The following ADGRG4 variants were observed in gnomAD, a reference collection of about 807,000 sequenced individuals.
The protein encoded by ADGRG4 is adhesion G protein-coupled receptor G4.
A neutral mutation model predicts 126.2 loss-of-function variants in ADGRG4; 122 were observed. That is an observed-to-expected ratio of 0.97 (90% CI 0.83 to 1.12). The LOEUF (loss-of-function observed/expected upper bound fraction) is 1.12. ADGRG4 is among the 50% of genes most tolerant of loss of function. The pLI is 0.00. For missense variants in ADGRG4, 2,481 were observed against 2,251.8 expected, an observed-to-expected ratio of 1.10 and a Z score of -2.06; for synonymous variants, 943 against 838.7, an observed-to-expected ratio of 1.12 and a Z score of -2.15.
At chrX:136,383,759 A>G (rs1402138033) in intron 15 of ADGRG4, among the ~76,000 whole-genome samples, 2 of 110,197 alleles carry the variant, frequency 1.8e-5, no homozygotes, top group African/African-American at 6.6e-5. Flanking sequence ...TTATTTTAAT[A>G]TTTATTATAG....
Position 136,323,010 on chromosome X carries a change from A to G in ADGRG4, c.303A>G (p.Leu101=). ...GLAGDHQQLI[L]YRLGKTFSIR... ...CAGGAGACCATCAGCAGCTAATACTATACAGATTGGGAAAGACCTTTTCTA... is the reference window on the plus strand; with the variant it reads ...CAGGAGACCATCAGCAGCTAATACTGTACAGATTGGGAAAGACCTTTTCTA... Residue 101 remains leucine (L), a synonymous_variant, in exon 5 of 26, where the codon CTA becomes CTG. Transcript: ENST00000394143. 6.6e-6 allele frequency: 8 copies of G among 1,211,837 alleles called. No individual in the cohort carries two copies. Among genetic ancestry groups the G allele is most frequent in the Non-Finnish European group, 7.8e-6 (7 of 895,454 alleles).
rs532125501 is a variant in ADGRG4, at chrX:136,344,668, C to A, written c.962C>A (p.Ser321Ter). The change falls in exon 6 of 26, where the codon TCA becomes TAA. Residue 321 changes from serine (S) to a stop codon, truncating the protein, a stop_gained. Transcript: ENST00000394143. LOFTEE classifies it high-confidence loss of function. The stretch of plus-strand genomic sequence containing the variant: ...TTTGCAGTGGATGTTTTATCAACTT[C>A]ATCAGCCATCTCTCTGCCTACCCAG... ...ATFAVDVLST[S>*]SAISLPTQSI... 8.3e-7 allele frequency: 1 copy of A among 1,208,894 alleles called. No individual in the cohort carries two copies. The highest frequency in any genetic ancestry group is 1.7e-5 in the African/African-American group (1 of 57,726).
chrX:136,386,104 C>G (rs1484158388), intron 15 of ADGRG4, among the ~76,000 whole-genome samples: 1 of 112,254 alleles, frequency 8.9e-6, no homozygotes, highest in Non-Finnish European at 1.9e-5. Flanking sequence ...GGGTACCCCA[C>G]CTTGTGATGT....
chrX:136,307,595 C>A (rs2074742178), intron 3 of ADGRG4, among the ~76,000 whole-genome samples: 1 of 112,534 alleles, frequency 8.9e-6, no homozygotes, highest in Admixed American at 9.4e-5. Flanking sequence ...GCTCAAGATT[C>A]ATTTGACTTC....
chrX:136,321,034 TGCTCACC>T (rs1405433718), intron 4 of ADGRG4, among the ~76,000 whole-genome samples: 1 of 112,051 alleles, frequency 8.9e-6, no homozygotes, highest in East Asian at 2.8e-4. Context: ...TGGAGATTTA[TGCTCACC>T]GTAAAACCAG....
chrX:136,416,635 C>A lies in ADGRG4; in HGVS notation c.*144C>A. 1 of 362,898 alleles carries A rather than the reference C, an allele frequency of 2.8e-6. No homozygotes were observed. The highest frequency in any genetic ancestry group is 4.7e-6 in the Non-Finnish European group (1 of 210,763). 29.9% of individuals were successfully genotyped at this position (362,898 alleles called of 1,213,427 possible). A position where few individuals can be genotyped will look rare whatever the true frequency, so the allele number is the denominator to read the frequency against. ...AATAATGTACTCATGTAACCAAATG[C>A]TACCTGTTCCACCAAAACCTATGGA... On this transcript the variant is annotated 3_prime_UTR_variant, in exon 26 of 26. Transcript: ENST00000394143.
At chrX:136,413,652 C>G (rs191145377) in intron 24 of ADGRG4, among the ~76,000 whole-genome samples, 37 of 111,754 alleles carry the variant, frequency 3.3e-4, no homozygotes, top group African/African-American at 1.1e-3. Context: ...TACAAACCTA[C>G]TTCTTACAAC....
At chrX:136,357,344 T>C (rs939432113) in intron 9 of ADGRG4, among the ~76,000 whole-genome samples, 2 of 111,846 alleles carry the variant, frequency 1.8e-5, no homozygotes, top group East Asian at 5.6e-4. Context: ...GCTTAGAACA[T>C]AGTAAATGTT....
intron 25 of ADGRG4, 44 bp from the exon 26 acceptor site, chrX:136,416,410 C>T: frequency 9.0e-7 from 1 of 1,114,398 alleles, no homozygotes; most frequent in Non-Finnish European, 1.2e-6. Flanking sequence ...TGTGCAAAGT[C>T]CCTGATGCCG....
At position 136,385,170 on chromosome X, in the gene ADGRG4, C is replaced by A. The variant is rs190235766; in HGVS notation, c.7777-2570C>A. Among the ~76,000 whole-genome samples the A allele has an allele frequency of 7.2e-5, 8 of 111,275 alleles. No individual in the cohort carries two copies. The East Asian group carries it at 2.2e-3, about 31-fold the overall frequency. On this transcript the variant is annotated intron_variant, in intron 15 of 25. Transcript: ENST00000394143. ...TTATATTGATCTACCTTTAAATTTG[C>A]AGACATCTGTTGTTTTCATGTTACT...
rs767760760 is a variant in ADGRG4 at position 136,345,383 on chromosome X, C to A, written c.1677C>A (p.Phe559Leu). The change falls in exon 6 of 26, where the codon TTC (phenylalanine) becomes TTA (leucine). Residue 559 changes from phenylalanine to leucine, a missense_variant. By Grantham distance (22) the Phe-to-Leu change is conservative. Transcript: ENST00000394143. Reference protein sequence around the residue: ...SKETSSKTFSFLTSFSFTGTE... With the variant: ...SKETSSKTFSLLTSFSFTGTE... Reference sequence around the variant, plus strand: ...AGACCTCCTCTAAGACCTTTTCTTTCTTAACATCCTTTTCATTTACTGGGA... The same window carrying A: ...AGACCTCCTCTAAGACCTTTTCTTTATTAACATCCTTTTCATTTACTGGGA... The A allele has an allele frequency of 2.5e-6, 3 of 1,210,415 alleles. No individual in the cohort carries two copies. In the Admixed American group the frequency reaches 6.5e-5, roughly 26 times the overall value.
At chrX:136,392,732 C>T (rs1281748215) in intron 17 of ADGRG4, among the ~76,000 whole-genome samples, 1 of 111,629 alleles carries the variant, frequency 9.0e-6, no homozygotes, top group Non-Finnish European at 1.9e-5. Flanking sequence ...GAATTATCAC[C>T]AAAGAACTAA....
intron 15 of ADGRG4, among the ~76,000 whole-genome samples, chrX:136,380,604 C>CTCTTCTTCTTCTTCTTCTTCTTCT (rs1219064272): frequency 3.1e-4 from 17 of 55,342 alleles, no homozygotes; most frequent in Admixed American, 5.7e-4. Flanking sequence ...CCTCCTCCTC[C>CTCTTCTTCTTCTTCTTCTTCTTCT]TCTTCTTCTT....
chrX:136,311,483 G>A lies in ADGRG4; in HGVS notation c.70+2636G>A, dbSNP rs1411858290. 6.4e-5 allele frequency among the ~76,000 whole-genome samples: 7 copies of A among 110,209 alleles called. No homozygotes were observed. In the East Asian group the frequency reaches 1.4e-3, roughly 23 times the overall value. On this transcript the variant is annotated intron_variant, in intron 4 of 25. Coordinates refer to ENST00000394143, the MANE Select transcript of ADGRG4 (RefSeq NM_153834.4). ...GCTTTGCTGGCTGAAAGAGTGTAAC[G>A]TGTTCTGGAGCATTCTTGAGGCAGG... is the stretch of plus-strand genomic sequence containing the variant.
At chrX:136,389,308 G>C (rs1398577436) in intron 16 of ADGRG4, among the ~76,000 whole-genome samples, 1 of 111,995 alleles carries the variant, frequency 8.9e-6, no homozygotes, top group Non-Finnish European at 1.9e-5. Flanking sequence ...CTTTTGGTAG[G>C]CTTACAATTT....
chrX:136,382,150 A>T (rs942027880), intron 15 of ADGRG4, among the ~76,000 whole-genome samples: 4 of 111,263 alleles, frequency 3.6e-5, no homozygotes, highest in African/African-American at 1.3e-4. Context: ...ATTTCCTGAG[A>T]TCATACATAA....
intron 4 of ADGRG4, among the ~76,000 whole-genome samples, chrX:136,316,658 G>A (rs1476351141): frequency 2.7e-5 from 3 of 111,151 alleles, no homozygotes; most frequent in Non-Finnish European, 5.7e-5. Context: ...AGTAGAGATG[G>A]GGTTTCGCCA....
chrX:136,325,925 G>A (rs2074869690), intron 5 of ADGRG4, among the ~76,000 whole-genome samples: 1 of 110,710 alleles, frequency 9.0e-6, no homozygotes, highest in African/African-American at 3.3e-5. Context: ...TGGCCAGGCT[G>A]GTCTCGAACT....
rs2075112540 is a variant in ADGRG4 at position 136,359,240 on chromosome X, G to T, written c.6981-52G>T. On this transcript the variant is annotated intron_variant, in intron 10 of 25. Transcript: ENST00000394143. Reference sequence around the variant, plus strand: ...GAATTTCTGCATTGCAGGCCAAGTTGCACTCCCTTGACATAACTGCAACAA... The same window carrying T: ...GAATTTCTGCATTGCAGGCCAAGTTTCACTCCCTTGACATAACTGCAACAA... 3.8e-6 allele frequency: 4 copies of T among 1,054,816 alleles called. No homozygotes were observed. The African/African-American group carries it at 7.6e-5, about 20-fold the overall frequency. 86.9% of individuals were successfully genotyped at this position (1,054,816 alleles called of 1,213,427 possible). A position where few individuals can be genotyped will look rare whatever the true frequency, so the allele number is the denominator to read the frequency against.
Sources: allele counts gnomAD v4.1 joint callset (sites outside exome capture counted in the v4.1 genomes callset), GRCh38; gene constraint gnomAD v4.1.1; transcripts MANE v1.5; gene names NCBI Gene and HGNC (gene_info 2026-07-23, HGNC 2026-07-21).